The following JPH3 variants were observed in gnomAD, a reference collection of about 807,000 sequenced individuals.
JPH3 encodes junctophilin 3, also known as junctophilin-3.
In JPH3, 11 loss-of-function variants were observed where a neutral mutation model predicts 59.6. The ratio of observed to expected loss-of-function variants is 0.18; its 90% CI spans 0.12 to 0.31. JPH3 has a LOEUF of 0.31. Among genes scored for constraint, JPH3 ranks in the 10% least tolerant of loss-of-function variants. The pLI is 1.00. For missense variants in JPH3, 1,202 were observed against 1,105.7 expected (o/e 1.09, Z -1.24); for synonymous variants, 673 against 483.6 (o/e 1.39, Z -5.14).
rs753117984 is a variant in JPH3 at position 87,689,709 on chromosome 16, G to T, written c.1349G>T (p.Gly450Val). The T allele has an allele frequency of 1.2e-6, 2 of 1,612,438 alleles. No homozygotes were observed. Among genetic ancestry groups the T allele is most frequent in the Non-Finnish European group, 1.7e-6 (2 of 1,179,788 alleles). ...SCDDIEVLST[G>V]TPLQQESPEL... ...GACGACATCGAGGTGCTGTCCACCG[G>T]GACACCCCTGCAGCAGGAGAGCCCC... The change falls in exon 4 of 5, where the codon GGG (glycine) becomes GTG (valine). Residue 450 changes from glycine (G) to valine (V), a missense_variant. Physicochemically the swap from Gly to Val is moderately radical, Grantham distance 109 (BLOSUM62 -3). Transcript: ENST00000284262.
Position 87,669,694 on chromosome 16 carries a change from G to C in JPH3, c.1161-14448G>C, listed in dbSNP as rs945145271. 2.0e-5 allele frequency among the ~76,000 whole-genome samples: 3 copies of C among 152,176 alleles called. No individual in the cohort carries two copies. In the East Asian group the frequency reaches 5.8e-4, roughly 29 times the overall value. ...GGACAGTGTGAGGGCCGCCTGGTCA[G>C]AGCGGGAGGCAGGACCCCGTAGGGA... On this transcript the variant is annotated intron_variant, in intron 2 of 4. Transcript: ENST00000284262.
chr16:87,675,546 C>T (rs564643598), intron 2 of JPH3, among the ~76,000 whole-genome samples: 75 of 152,304 alleles, frequency 4.9e-4, no homozygotes, highest in African/African-American at 1.5e-3. Flanking sequence ...GCCGGCAGCC[C>T]GCAGTGGCAC....
chr16:87,618,871 C>T (rs1374393497), intron 1 of JPH3, among the ~76,000 whole-genome samples: 15 of 152,152 alleles, frequency 9.9e-5, no homozygotes, highest in African/African-American at 3.4e-4. Flanking sequence ...GGCAGATCAC[C>T]TGAGGCCAGG....
chr16:87,651,421 G>C (rs2032321583), intron 2 of JPH3, among the ~76,000 whole-genome samples: 1 of 152,182 alleles, frequency 6.6e-6, no homozygotes, highest in South Asian at 2.1e-4. Context: ...TGATTTCTCT[G>C]ATGGATCTGG....
At chr16:87,632,056 C>T (rs187398771) in intron 1 of JPH3, among the ~76,000 whole-genome samples, 1 of 152,180 alleles carries the variant, frequency 6.6e-6, no homozygotes, top group African/African-American at 2.4e-5. Flanking sequence ...GTCTGAGGAC[C>T]GTTGACTGTT....
rs1329350287 is a variant in JPH3, at chr16:87,627,326, A to G, written c.383-16932A>G. 3.9e-5 allele frequency among the ~76,000 whole-genome samples: 6 copies of G among 152,328 alleles called. No homozygotes were observed. The East Asian group carries it at 9.6e-4, about 24-fold the overall frequency. On this transcript the variant is annotated intron_variant, in intron 1 of 4. Transcript: ENST00000284262. Reference sequence around the variant, plus strand: ...CATTTCAGGGTTCCCAGGTGGCGCCACCAGCTTGAGGGGGTCTTGGCGCTA... The same window carrying G: ...CATTTCAGGGTTCCCAGGTGGCGCCGCCAGCTTGAGGGGGTCTTGGCGCTA...
At chr16:87,614,494 G>T (rs146823524) in intron 1 of JPH3, among the ~76,000 whole-genome samples, 1 of 145,510 alleles carries the variant, frequency 6.9e-6, no homozygotes, top group Non-Finnish European at 1.5e-5. Flanking sequence ...GGGTCCGCGC[G>T]TCCCCCGCAG....
At position 87,613,960 on chromosome 16, in the gene JPH3, C is replaced by T. The variant is rs557237283; in HGVS notation, c.382+10432C>T. On this transcript the variant is annotated intron_variant, in intron 1 of 4. Coordinates refer to ENST00000284262, the MANE Select transcript of JPH3 (RefSeq NM_020655.4). ...TTGTTTCTGGCCGCAGAATTGTTTCCGGCGCTCCGAGATGCCTTTCTTGAT... is the reference window on the plus strand; with the variant it reads ...TTGTTTCTGGCCGCAGAATTGTTTCTGGCGCTCCGAGATGCCTTTCTTGAT... Among the ~76,000 whole-genome samples, 9 of 152,212 alleles carry T rather than the reference C, an allele frequency of 5.9e-5. No homozygotes were observed. The South Asian group carries it at 6.2e-4, about 11-fold the overall frequency.
At chr16:87,664,443 G>C (rs908438003) in intron 2 of JPH3, among the ~76,000 whole-genome samples, 4 of 151,488 alleles carry the variant, frequency 2.6e-5, no homozygotes, top group Non-Finnish European at 5.9e-5. Context: ...TGGCCAACAT[G>C]GTGAAACCCT....
At chr16:87,649,646 C>T (rs1459980660) in intron 2 of JPH3, among the ~76,000 whole-genome samples, 2 of 152,198 alleles carry the variant, frequency 1.3e-5, no homozygotes, top group African/African-American at 4.8e-5. Context: ...TCATCCCCAC[C>T]CGCCGTGGAA....
intron 2 of JPH3, among the ~76,000 whole-genome samples, chr16:87,657,144 C>T (rs760981300): frequency 6.6e-5 from 10 of 152,182 alleles, no homozygotes; most frequent in African/African-American, 1.2e-4. Context: ...GCCAGGCCAG[C>T]GCTGAGCACC....
At chr16:87,654,217 G>A (rs887617262) in intron 2 of JPH3, 1 of 152,262 alleles carries the variant, frequency 6.6e-6, no homozygotes, top group African/African-American at 2.4e-5. Flanking sequence ...GAGCTCCAAT[G>A]CATCCCTCAA....
intron 3 of JPH3, among the ~76,000 whole-genome samples, chr16:87,685,161 G>A (rs1345841029): frequency 6.6e-6 from 1 of 152,178 alleles, no homozygotes; most frequent in East Asian, 1.9e-4. Context: ...GCGCTCCCCT[G>A]ACTGGAACGC....
intron 2 of JPH3, chr16:87,653,514 G>C (rs2032394933): frequency 6.6e-6 from 1 of 152,174 alleles, no homozygotes; most frequent in Admixed American, 6.5e-5. Flanking sequence ...GGGCCGTCTA[G>C]GAAATGCAGC....
chr16:87,644,398 A>G lies in JPH3; in HGVS notation c.523A>G (p.Thr175Ala). Residue 175 changes from threonine (T) to alanine (A), a missense_variant, in exon 2 of 5, where the codon ACG (threonine) becomes GCG (alanine). By Grantham distance (58) the Thr-to-Ala change is moderately conservative. Transcript: ENST00000284262. ...NSLRSEHTNG[T>A]ALHPDASPAV... Reference sequence around the variant, plus strand: ...CCTGCGCAGCGAGCACACCAACGGCACGGCGCTGCATCCCGACGCCTCTCC... The same window carrying G: ...CCTGCGCAGCGAGCACACCAACGGCGCGGCGCTGCATCCCGACGCCTCTCC... 6.2e-7 allele frequency: 1 copy of G among 1,612,648 alleles called. No individual in the cohort carries two copies. Among genetic ancestry groups the G allele is most frequent in the Non-Finnish European group, 8.5e-7 (1 of 1,179,768 alleles).
chr16:87,678,605 G>A (rs978782405), intron 2 of JPH3, among the ~76,000 whole-genome samples: 2 of 152,138 alleles, frequency 1.3e-5, no homozygotes, highest in African/African-American at 2.4e-5. Context: ...CACACTCTCT[G>A]TAGTGGGCTG....
intron 2 of JPH3, among the ~76,000 whole-genome samples, chr16:87,673,611 T>G (rs192774427): frequency 6.6e-5 from 10 of 152,292 alleles, no homozygotes; most frequent in Admixed American, 5.2e-4. Flanking sequence ...ATGGGCGGAC[T>G]TCATGTGTTC....
intron 2 of JPH3, among the ~76,000 whole-genome samples, chr16:87,652,291 C>G (rs149357183): frequency 1.3e-5 from 2 of 152,304 alleles, no homozygotes; most frequent in African/African-American, 4.8e-5. Flanking sequence ...AAGTTGCCGC[C>G]TCAGCCTTCG....
At chr16:87,619,599 C>T (rs1046289180) in intron 1 of JPH3, among the ~76,000 whole-genome samples, 3 of 152,170 alleles carry the variant, frequency 2.0e-5, no homozygotes, top group Non-Finnish European at 2.9e-5. Flanking sequence ...GTCTGGGGTC[C>T]GGCTGTCACT....
Sources: allele counts gnomAD v4.1 joint callset (sites outside exome capture counted in the v4.1 genomes callset), GRCh38; gene constraint gnomAD v4.1.1; transcripts MANE v1.5; gene names NCBI Gene and HGNC (gene_info 2026-07-23, HGNC 2026-07-21).